Variants in KCNH5 observed in about 807,000 individuals in gnomAD.
KCNH5 encodes the protein voltage-gated delayed rectifier potassium channel KCNH5.
Under a neutral mutation model 96.1 loss-of-function variants are expected in KCNH5, and 46 were observed. The ratio of observed to expected loss-of-function variants is 0.48; its 90% confidence interval spans 0.38 to 0.61. The LOEUF (loss-of-function observed/expected upper bound fraction) is 0.61, where lower values mean the gene tolerates loss of function less well. KCNH5 is among the 20% of genes least tolerant of loss of function. The pLI, the probability that KCNH5 is intolerant of heterozygous loss-of-function variation, is 0.00. For synonymous variants in KCNH5, 439 were observed against 449.8 expected, an observed-to-expected ratio of 0.98 and a Z score of 0.30; for missense variants, 907 against 1,225.8, an observed-to-expected ratio of 0.74 and a Z score of 3.88.
At chr14:62,939,148 C>T (rs1889740421) in intron 7 of KCNH5, among the ~76,000 whole-genome samples, 1 of 152,142 alleles carries the variant, frequency 6.6e-6, no homozygotes, top group Non-Finnish European at 1.5e-5. Flanking sequence ...TAAGGCCTCC[C>T]AGATCTCTTC....
intron 7 of KCNH5, among the ~76,000 whole-genome samples, chr14:62,920,076 T>A (rs1404344622): frequency 6.6e-6 from 1 of 152,146 alleles, no homozygotes; most frequent in South Asian, 2.1e-4. Flanking sequence ...ATCTCCATGA[T>A]GAGTTGGCAG....
At chr14:62,853,001 C>T (rs890453353) in intron 7 of KCNH5, among the ~76,000 whole-genome samples, 3 of 152,048 alleles carry the variant, frequency 2.0e-5, no homozygotes, top group Non-Finnish European at 4.4e-5. Context: ...CTAACACATC[C>T]GAAAAGAAAC....
intron 10 of KCNH5, among the ~76,000 whole-genome samples, chr14:62,762,013 C>A (rs930456726): frequency 6.6e-6 from 1 of 152,116 alleles, no homozygotes; most frequent in Non-Finnish European, 1.5e-5. Flanking sequence ...GTGGAGTGGA[C>A]CATTCTTGCC....
At chr14:62,912,941 T>A (rs1161403225) in intron 7 of KCNH5, among the ~76,000 whole-genome samples, 1 of 152,224 alleles carries the variant, frequency 6.6e-6, no homozygotes, top group Non-Finnish European at 1.5e-5. Context: ...GCTGGGAATA[T>A]AAATTGCTAC....
At chr14:62,771,170 C>T (rs918582793) in intron 10 of KCNH5, among the ~76,000 whole-genome samples, 4 of 152,180 alleles carry the variant, frequency 2.6e-5, no homozygotes, top group African/African-American at 9.7e-5. Flanking sequence ...GGACTTCTAA[C>T]CTCCAGAACT....
chr14:62,922,202 C>T (rs763207148), intron 7 of KCNH5, among the ~76,000 whole-genome samples: 3 of 151,778 alleles, frequency 2.0e-5, no homozygotes, highest in African/African-American at 7.3e-5. Flanking sequence ...TTTTTTTAAT[C>T]CTTAGACGTA....
chr14:62,803,242 T>A (rs1285624583), intron 8 of KCNH5, among the ~76,000 whole-genome samples: 2 of 152,178 alleles, frequency 1.3e-5, no homozygotes, highest in Admixed American at 1.3e-4. Flanking sequence ...AAATAGGGCA[T>A]GAACATTCAT....
chr14:62,858,769 G>C (rs577591923), intron 7 of KCNH5, among the ~76,000 whole-genome samples: 39 of 152,282 alleles, frequency 2.6e-4, no homozygotes, highest in African/African-American at 9.4e-4. Flanking sequence ...GGCTATGGGA[G>C]AAACAATACC....
At chr14:62,817,446 G>A (rs902806364) in intron 8 of KCNH5, among the ~76,000 whole-genome samples, 1 of 149,110 alleles carries the variant, frequency 6.7e-6, no homozygotes, top group Non-Finnish European at 1.5e-5. Context: ...AGGAAGAAGA[G>A]AGAATCTGTG....
intron 10 of KCNH5, among the ~76,000 whole-genome samples, chr14:62,738,449 T>A (rs527787852): frequency 9.2e-5 from 14 of 152,276 alleles, no homozygotes; most frequent in African/African-American, 3.4e-4. Flanking sequence ...CTCAAAGAGC[T>A]CATTATGAGT....
At chr14:62,967,584 T>G (rs1890327567) in intron 6 of KCNH5, among the ~76,000 whole-genome samples, 1 of 152,052 alleles carries the variant, frequency 6.6e-6, no homozygotes. Context: ...AACATATTCT[T>G]TATAAGTTAG....
intron 6 of KCNH5, among the ~76,000 whole-genome samples, chr14:62,965,828 T>C (rs1339342060): frequency 2.0e-5 from 3 of 152,322 alleles, no homozygotes; most frequent in African/African-American, 4.8e-5. Flanking sequence ...TTTGCCATCA[T>C]AGGTAAGATG....
At chr14:63,000,187 G>A (rs1467673030) in intron 4 of KCNH5, among the ~76,000 whole-genome samples, 1 of 152,128 alleles carries the variant, frequency 6.6e-6, no homozygotes, top group East Asian at 1.9e-4. Context: ...CTATAATTAT[G>A]ATTACAGTTG....
chr14:62,914,326 T>C (rs1166442378), intron 7 of KCNH5, among the ~76,000 whole-genome samples: 2 of 152,102 alleles, frequency 1.3e-5, no homozygotes, highest in African/African-American at 4.8e-5. Flanking sequence ...AGAGACACAG[T>C]AATAGAGATA....
At chr14:62,993,781 T>C (rs2139582521) in intron 4 of KCNH5, among the ~76,000 whole-genome samples, 1 of 152,210 alleles carries the variant, frequency 6.6e-6, no homozygotes, top group Middle Eastern at 3.4e-3. Context: ...AGTGATACAT[T>C]TACTGATCTC....
intron 7 of KCNH5, among the ~76,000 whole-genome samples, chr14:62,944,239 G>GACATATAA (rs1337822918): frequency 6.6e-6 from 1 of 152,126 alleles, no homozygotes; most frequent in Non-Finnish European, 1.5e-5. Context: ...TTTTCTGAAA[G>GACATATAA]ACATATAAAT....
intron 8 of KCNH5, among the ~76,000 whole-genome samples, chr14:62,808,050 C>T (rs1338564388): frequency 1.3e-5 from 2 of 152,026 alleles, no homozygotes; most frequent in Non-Finnish European, 2.9e-5. Context: ...GGCTCCACAC[C>T]TAGTACATGA....
intron 10 of KCNH5, among the ~76,000 whole-genome samples, chr14:62,759,267 G>C (rs1885694084): frequency 1.3e-5 from 2 of 152,134 alleles, no homozygotes; most frequent in East Asian, 3.9e-4. Context: ...AAGCACACCT[G>C]AGGATTGAAT....
Position 62,732,421 on chromosome 14 carries a change from T to C in KCNH5, c.2020-23966A>G, listed in dbSNP as rs147180389. ...TTATATCCTTATATCATAAAGTAGCTTTAACTTCCTTTTTATTGGTATCAC... is the reference window on the plus strand; with the variant it reads ...TTATATCCTTATATCATAAAGTAGCCTTAACTTCCTTTTTATTGGTATCAC... On this transcript the variant is annotated intron_variant, in intron 10 of 10. Coordinates refer to ENST00000322893, the MANE Select transcript of KCNH5 (RefSeq NM_139318.5). Among the ~76,000 whole-genome samples the C allele has an allele frequency of 1.4e-4, 21 of 152,262 alleles. No individual in the cohort carries two copies. In the East Asian group the frequency reaches 3.9e-3, roughly 28 times the overall value.
Sources: allele counts gnomAD v4.1 joint callset (sites outside exome capture counted in the v4.1 genomes callset), GRCh38; gene constraint gnomAD v4.1.1; transcripts MANE v1.5; gene names NCBI Gene and HGNC (gene_info 2026-07-23, HGNC 2026-07-21).